TMEFF2: variants seen among roughly 807,000 people sequenced by gnomAD.
TMEFF2 encodes transmembrane protein with EGF like and two follistatin like domains 2.
In TMEFF2, 28 loss-of-function variants were observed where a neutral mutation model predicts 53.8. The observed-to-expected ratio is 0.52, with a 90% CI of 0.39 to 0.71. TMEFF2 has a LOEUF of 0.71. Ranked by LOEUF, TMEFF2 falls within the 30% of genes least tolerant of loss-of-function variation. The pLI, the probability that TMEFF2 is intolerant of heterozygous loss-of-function variation, is 0.00. For missense variants in TMEFF2, 353 were observed against 455.2 expected (o/e 0.78, Z 2.04); for synonymous variants, 162 against 166.3 (o/e 0.97, Z 0.20).
chr2:192,112,671 T>G (rs1486005907), intron 4 of TMEFF2, among the ~76,000 whole-genome samples: 1 of 151,970 alleles, frequency 6.6e-6, no homozygotes, highest in Non-Finnish European at 1.5e-5. Flanking sequence ...GGTCCAGGGG[T>G]GGAATGATAT....
intron 4 of TMEFF2, among the ~76,000 whole-genome samples, chr2:192,130,583 T>C (rs1467580476): frequency 1.3e-5 from 2 of 152,150 alleles, no homozygotes; most frequent in African/African-American, 4.8e-5. Flanking sequence ...TTCCTTCTCC[T>C]GGCTCAGAAG....
At chr2:191,985,768 T>G (rs539336744) in intron 7 of TMEFF2, among the ~76,000 whole-genome samples, 16 of 152,372 alleles carry the variant, frequency 1.1e-4, no homozygotes, top group Admixed American at 2.6e-4. Flanking sequence ...GTCTTTGCTA[T>G]TTTTTCAAGC....
chr2:192,086,061 T>C (rs1428763097), intron 4 of TMEFF2, among the ~76,000 whole-genome samples: 2 of 152,202 alleles, frequency 1.3e-5, no homozygotes, highest in African/African-American at 2.4e-5. Flanking sequence ...AAAGGCATTA[T>C]AGGAAAGATG....
intron 4 of TMEFF2, among the ~76,000 whole-genome samples, chr2:192,167,643 T>C (rs1690801615): frequency 2.6e-5 from 4 of 152,164 alleles, no homozygotes; most frequent in Non-Finnish European, 4.4e-5. Context: ...CACTTACATT[T>C]TATATTCGAT....
chr2:192,161,891 G>T (rs1690642884), intron 4 of TMEFF2, among the ~76,000 whole-genome samples: 1 of 152,182 alleles, frequency 6.6e-6, no homozygotes, highest in Non-Finnish European at 1.5e-5. Flanking sequence ...CACATTAAAT[G>T]CTGGGGGTGT....
In TMEFF2 at chr2:192,194,651, C is replaced by G; in HGVS notation, c.-127G>C. 1.9e-6 allele frequency: 2 copies of G among 1,053,230 alleles called. No individual in the cohort carries two copies. Among genetic ancestry groups the G allele is most frequent in the Non-Finnish European group, 2.8e-6 (2 of 722,010 alleles). The allele number at this position is 1,053,230 out of a possible 1,614,324, so 65.2% of individuals were successfully genotyped here. Reference sequence around the variant, plus strand: ...AGAGGCGGCGGCGGTGGCAGTGGCACCCGGCGGGGAAGCAGCAGCCAAACC... The same window carrying G: ...AGAGGCGGCGGCGGTGGCAGTGGCAGCCGGCGGGGAAGCAGCAGCCAAACC... On this transcript the variant is annotated 5_prime_UTR_variant, in exon 1 of 10. Coordinates refer to ENST00000272771, the MANE Select transcript of TMEFF2 (RefSeq NM_016192.4). This position sits in a 1 kb window ranked among gnomAD's most constrained non-coding sequence, Gnocchi z 4.2.
At chr2:192,072,585 T>TGAACA (rs10627638) in intron 4 of TMEFF2, among the ~76,000 whole-genome samples, 1 of 151,744 alleles carries the variant, frequency 6.6e-6, no homozygotes, top group Non-Finnish European at 1.5e-5. Flanking sequence ...TTAGATAAAA[T>TGAACA]GAAGTTTTTT....
intron 4 of TMEFF2, among the ~76,000 whole-genome samples, chr2:192,159,735 C>T (rs745511620): frequency 2.0e-5 from 3 of 152,154 alleles, no homozygotes; most frequent in Non-Finnish European, 2.9e-5. Context: ...ATATTTCCCA[C>T]CTCATTGCCC....
chr2:192,000,538 G>A (rs1574279842), intron 5 of TMEFF2, among the ~76,000 whole-genome samples: 2 of 152,076 alleles, frequency 1.3e-5, no homozygotes, highest in Admixed American at 1.3e-4. Flanking sequence ...GCAGATTTCT[G>A]GGCTCCAGTA....
chr2:192,108,118 A>T (rs1689193833), intron 4 of TMEFF2, among the ~76,000 whole-genome samples: 1 of 151,784 alleles, frequency 6.6e-6, no homozygotes. Context: ...AAACAGGTCA[A>T]TTTTTTAAAA....
intron 4 of TMEFF2, chr2:192,179,048 C>G (rs1446052620): frequency 6.6e-6 from 1 of 151,078 alleles, no homozygotes; most frequent in African/African-American, 2.4e-5. Flanking sequence ...CTCTCTCTCT[C>G]TCTCATCTTA....
At chr2:192,126,306 T>C (rs1031265022) in intron 4 of TMEFF2, among the ~76,000 whole-genome samples, 5 of 152,236 alleles carry the variant, frequency 3.3e-5, no homozygotes, top group Non-Finnish European at 7.3e-5. Context: ...AAGTACAGTC[T>C]GAATAACTTA....
intron 4 of TMEFF2, among the ~76,000 whole-genome samples, chr2:192,121,696 G>T (rs1426011353): frequency 1.3e-5 from 2 of 152,070 alleles, no homozygotes; most frequent in Non-Finnish European, 2.9e-5. Context: ...CACACTAAGG[G>T]TTTTAGCTCT....
chr2:192,172,883 A>G (rs1247255444), intron 4 of TMEFF2, among the ~76,000 whole-genome samples: 1 of 151,922 alleles, frequency 6.6e-6, no homozygotes, highest in Non-Finnish European at 1.5e-5. Context: ...CTTGCAGACT[A>G]GTTTCCTTCC....
intron 5 of TMEFF2, among the ~76,000 whole-genome samples, chr2:192,054,732 T>C (rs552550168): frequency 3.2e-4 from 48 of 152,308 alleles, no homozygotes; most frequent in African/African-American, 1.2e-3. Flanking sequence ...ATTGTTTCAA[T>C]TGCATCTTTG....
At chr2:192,102,380 A>C (rs1199256064) in intron 4 of TMEFF2, among the ~76,000 whole-genome samples, 1 of 152,104 alleles carries the variant, frequency 6.6e-6, no homozygotes, top group Non-Finnish European at 1.5e-5. Context: ...ACAAAGTCTT[A>C]ACCATGGTTG....
At chr2:192,075,483 G>A (rs544660163) in intron 4 of TMEFF2, among the ~76,000 whole-genome samples, 50 of 150,632 alleles carry the variant, frequency 3.3e-4, no homozygotes, top group African/African-American at 9.7e-4. Flanking sequence ...CTTCATTTTC[G>A]GTGGCTAAAA....
chr2:192,162,682 G>C (rs76589637), intron 4 of TMEFF2, among the ~76,000 whole-genome samples: 1 of 151,892 alleles, frequency 6.6e-6, no homozygotes, highest in South Asian at 2.1e-4. Context: ...GTGAGTCTTA[G>C]GGGGAAAAAA....
At chr2:192,092,464 G>C (rs575459694) in intron 4 of TMEFF2, among the ~76,000 whole-genome samples, 1 of 152,134 alleles carries the variant, frequency 6.6e-6, no homozygotes, top group South Asian at 2.1e-4. Context: ...TATTTTACAG[G>C]GATCTTCAGT....
Sources: allele counts gnomAD v4.1 joint callset (sites outside exome capture counted in the v4.1 genomes callset), GRCh38; gene constraint gnomAD v4.1.1; non-coding constraint Gnocchi (gnomAD v3.1); transcripts MANE v1.5; gene names NCBI Gene and HGNC (gene_info 2026-07-23, HGNC 2026-07-21).